Variants in CCDC148 observed in about 807,000 individuals in gnomAD.
CCDC148 encodes coiled-coil domain containing 148.
Under a neutral mutation model 85.7 loss-of-function variants are expected in CCDC148, and 89 were observed. The observed-to-expected ratio is 1.04, with a 90% CI of 0.87 to 1.24. CCDC148 has a LOEUF of 1.24. CCDC148 is among the 50% of genes most tolerant of loss of function. The probability of loss-of-function intolerance (pLI) is 0.00; values close to 1 mark genes in which losing one functional copy is unlikely to be tolerated. For missense variants in CCDC148, 692 were observed against 671.7 expected, an observed-to-expected ratio of 1.03 and a Z score of -0.33; for synonymous variants, 230 against 213.9, an observed-to-expected ratio of 1.08 and a Z score of -0.66.
At chr2:158,207,047 G>A (rs1434153934) in intron 11 of CCDC148, among the ~76,000 whole-genome samples, 3 of 152,186 alleles carry the variant, frequency 2.0e-5, no homozygotes, top group African/African-American at 4.8e-5. Context: ...ATACTTTATC[G>A]ACCACTTTCT....
At chr2:158,250,961 T>C in intron 9 of CCDC148, 49 bp from the exon 10 acceptor site, 1 of 1,532,072 alleles carries the variant, frequency 6.5e-7, no homozygotes, top group Non-Finnish European at 8.8e-7. Flanking sequence ...ACACTGAAGT[T>C]ATTTCATAGG....
chr2:158,251,233 TG>T (rs1688781126), intron 9 of CCDC148, among the ~76,000 whole-genome samples: 2 of 152,008 alleles, frequency 1.3e-5, no homozygotes, highest in South Asian at 4.1e-4. Context: ...GTTTTGCCTA[TG>T]TTTTTTTTCC....
intron 1 of CCDC148, among the ~76,000 whole-genome samples, chr2:158,410,110 A>G (rs987273909): frequency 3.3e-5 from 5 of 152,142 alleles, no homozygotes; most frequent in African/African-American, 4.8e-5. Context: ...AGCCTAATAC[A>G]ATGACCTCCT....
intron 11 of CCDC148, among the ~76,000 whole-genome samples, chr2:158,181,591 G>A (rs371607744): frequency 3.3e-5 from 5 of 152,258 alleles, no homozygotes; most frequent in African/African-American, 9.6e-5. Flanking sequence ...TCTATAATAG[G>A]AGGAAGTACT....
At chr2:158,445,178 C>T (rs1476799895) in intron 1 of CCDC148, among the ~76,000 whole-genome samples, 1 of 152,070 alleles carries the variant, frequency 6.6e-6, no homozygotes, top group Non-Finnish European at 1.5e-5. Flanking sequence ...TTTTCCAAGG[C>T]CCAACAGTAA....
chr2:158,399,350 G>C (rs1041343975), intron 1 of CCDC148, among the ~76,000 whole-genome samples: 1 of 152,126 alleles, frequency 6.6e-6, no homozygotes, highest in Non-Finnish European at 1.5e-5. Flanking sequence ...CAATATACCT[G>C]ATGAATATCA....
rs574750732 is a variant in CCDC148, at chr2:158,298,713, C to T, written c.1110+10720G>A. Among the ~76,000 whole-genome samples, 10 of 152,180 alleles carry T rather than the reference C, an allele frequency of 6.6e-5. No homozygotes were observed. The East Asian group carries it at 1.9e-3, about 29-fold the overall frequency. Reference sequence around the variant, plus strand: ...TTACATTTCTAGAATTTCTATTTGACCCATTTTTATATATGCAAATTCTCT... The same window carrying T: ...TTACATTTCTAGAATTTCTATTTGATCCATTTTTATATATGCAAATTCTCT... On this transcript the variant is annotated intron_variant, in intron 9 of 13. Transcript: ENST00000283233.
At chr2:158,275,656 C>T (rs959875601) in intron 9 of CCDC148, among the ~76,000 whole-genome samples, 1 of 151,062 alleles carries the variant, frequency 6.6e-6, no homozygotes, top group South Asian at 2.1e-4. Context: ...CCTTTGGTGA[C>T]AGCTGGAAGT....
intron 7 of CCDC148, among the ~76,000 whole-genome samples, chr2:158,335,268 T>C (rs1682312931): frequency 6.6e-6 from 1 of 152,190 alleles, no homozygotes; most frequent in Non-Finnish European, 1.5e-5. Context: ...CACAAGCACC[T>C]AACAAAAGTC....
chr2:158,417,268 C>CACAGATAATTCCCTCAAAGG (rs1686543161), intron 1 of CCDC148, among the ~76,000 whole-genome samples: 1 of 152,214 alleles, frequency 6.6e-6, no homozygotes, highest in Non-Finnish European at 1.5e-5. Flanking sequence ...AATGTAACAA[C>CACAGATAATTCCCTCAAAGG]AGCCACAGAT....
intron 2 of CCDC148, among the ~76,000 whole-genome samples, chr2:158,353,721 G>T (rs1335973235): frequency 6.6e-6 from 1 of 152,092 alleles, no homozygotes; most frequent in East Asian, 1.9e-4. Flanking sequence ...TCTGCACCAA[G>T]CAGACCTAAT....
At chr2:158,199,766 CA>C (rs1574386400) in intron 11 of CCDC148, among the ~76,000 whole-genome samples, 1 of 152,156 alleles carries the variant, frequency 6.6e-6, no homozygotes, top group East Asian at 1.9e-4. Context: ...CTGATTAGAT[CA>C]TTATTGGGAA....
chr2:158,386,124 C>A (rs1685077158), intron 1 of CCDC148, among the ~76,000 whole-genome samples: 1 of 151,982 alleles, frequency 6.6e-6, no homozygotes, highest in African/African-American at 2.4e-5. Flanking sequence ...GGTTGGGGGG[C>A]AGTGCGGGGA....
intron 1 of CCDC148, chr2:158,381,046 C>A (rs1684849126): frequency 6.6e-6 from 1 of 151,982 alleles, no homozygotes; most frequent in Non-Finnish European, 1.5e-5. Context: ...ATATTCATGA[C>A]CTTGGAATTG....
At chr2:158,217,378 A>G (rs1407384935) in intron 11 of CCDC148, among the ~76,000 whole-genome samples, 58 of 86,428 alleles carry the variant, frequency 6.7e-4, no homozygotes, top group African/African-American at 2.0e-3. Flanking sequence ...GTGTGTGTAT[A>G]TATATATATA....
At chr2:158,174,713 T>C (rs1289090014) in intron 13 of CCDC148, among the ~76,000 whole-genome samples, 2 of 152,038 alleles carry the variant, frequency 1.3e-5, no homozygotes, top group African/African-American at 2.4e-5. Flanking sequence ...AGTAATGAGC[T>C]GTTACTGTGC....
intron 8 of CCDC148, among the ~76,000 whole-genome samples, chr2:158,311,517 C>T (rs997864609): frequency 2.7e-5 from 4 of 145,718 alleles, no homozygotes; most frequent in Non-Finnish European, 4.7e-5. Context: ...ACGGAGATGA[C>T]GGAGAGGGAG....
At chr2:158,393,338 T>C (rs74367108) in intron 1 of CCDC148, 10,367 of 152,234 alleles carry the variant, frequency 0.068, 699 homozygotes, top group African/African-American at 0.17. Context: ...GATCATGATA[T>C]CGTAGCTATG....
intron 11 of CCDC148, among the ~76,000 whole-genome samples, chr2:158,190,333 T>C (rs1685362459): frequency 6.6e-6 from 1 of 152,008 alleles, no homozygotes; most frequent in Admixed American, 6.6e-5. Context: ...AGATCAGCAT[T>C]TATTTGCCCA....
Sources: gnomAD v4.1 joint callset for allele counts (sites outside exome capture counted in the v4.1 genomes callset) on GRCh38, gnomAD v4.1.1 for gene constraint, MANE v1.5 for transcripts, NCBI Gene and HGNC (gene_info 2026-07-23, HGNC 2026-07-21) for gene names.